Variants in KIF16B observed in about 807,000 individuals in gnomAD.
KIF16B encodes the protein kinesin family member 16B, also known as kinesin-like protein KIF16B.
Under a neutral mutation model 156.3 loss-of-function variants are expected in KIF16B, and 98 were observed. That is an observed-to-expected ratio of 0.63 (90% CI 0.53 to 0.74). The LOEUF is 0.74. Ranked by LOEUF, KIF16B falls within the 30% of genes least tolerant of loss-of-function variation. The probability of loss-of-function intolerance (pLI) is 0.00; values close to 1 mark genes in which losing one functional copy is unlikely to be tolerated. For synonymous variants in KIF16B, 564 were observed against 583.7 expected, an observed-to-expected ratio of 0.97 and a Z score of 0.49; for missense variants, 1,421 against 1,606.5, an observed-to-expected ratio of 0.88 and a Z score of 1.97.
chr20:16,380,266 C>T, intron 18 of KIF16B, 103 bp from the exon 19 acceptor site: 1 of 1,035,654 alleles, frequency 9.7e-7, no homozygotes, highest in Non-Finnish European at 1.3e-6. Context: ...AGGTCAAAGC[C>T]TCCATTAAAA....
intron 15 of KIF16B, among the ~76,000 whole-genome samples, chr20:16,423,152 C>T (rs1400191938): frequency 2.0e-5 from 3 of 151,546 alleles, no homozygotes; most frequent in Non-Finnish European, 4.4e-5. Flanking sequence ...AATGGCATAC[C>T]AATATGAGGA....
intron 25 of KIF16B, 70 bp from the exon 26 acceptor site, chr20:16,273,481 A>C (rs2063012765): frequency 7.6e-7 from 1 of 1,317,258 alleles, no homozygotes. Flanking sequence ...GCTTGAGCTC[A>C]GGAGTTTGAG....
chr20:16,509,261 T>G (rs1320206095), intron 6 of KIF16B, among the ~76,000 whole-genome samples: 1 of 152,244 alleles, frequency 6.6e-6, no homozygotes, highest in African/African-American at 2.4e-5. Flanking sequence ...GTTCATATTT[T>G]GTTTCCAATT....
intron 12 of KIF16B, among the ~76,000 whole-genome samples, chr20:16,488,427 C>T (rs545372451): frequency 5.0e-4 from 76 of 152,234 alleles, no homozygotes; most frequent in Non-Finnish European, 9.7e-4. Flanking sequence ...GTTCATAAAA[C>T]GCTGGAACAG....
chr20:16,346,009 AAG>A (rs2064227150), intron 23 of KIF16B, among the ~76,000 whole-genome samples: 1 of 152,226 alleles, frequency 6.6e-6, no homozygotes, highest in Non-Finnish European at 1.5e-5. Context: ...GGAGTAAAGA[AAG>A]AGAGACTTGG....
chr20:16,296,525 C>T (rs114859899), intron 25 of KIF16B, among the ~76,000 whole-genome samples: 241 of 152,306 alleles, frequency 1.6e-3, no homozygotes, highest in African/African-American at 5.6e-3. Context: ...TCTTCTGATG[C>T]TATTTCCATA....
chr20:16,369,046 T>A, intron 22 of KIF16B: 4 of 985,880 alleles, frequency 4.1e-6, no homozygotes, highest in Non-Finnish European at 4.8e-6. Flanking sequence ...TTCACTGTCC[T>A]GGAATACCTC....
intron 17 of KIF16B, among the ~76,000 whole-genome samples, chr20:16,386,355 C>T (rs2065229939): frequency 6.6e-6 from 1 of 151,888 alleles, no homozygotes; most frequent in Admixed American, 6.6e-5. Flanking sequence ...TGGAATAACC[C>T]AGGAATGCCA....
intron 12 of KIF16B, among the ~76,000 whole-genome samples, chr20:16,453,535 C>A (rs371434880): frequency 1.8e-4 from 28 of 151,828 alleles, no homozygotes; most frequent in African/African-American, 6.3e-4. Context: ...AAATAAAACA[C>A]TGGAAAAAAA....
intron 19 of KIF16B, 148 bp from the exon 20 acceptor site, chr20:16,374,557 A>G (rs2064900492): frequency 1.4e-6 from 1 of 696,452 alleles, no homozygotes; most frequent in Non-Finnish European, 2.1e-6. Flanking sequence ...AAGGTGCCAC[A>G]TACCCATAAG....
In KIF16B at chr20:16,487,688, G is replaced by A. The variant is rs562286594; in HGVS notation, c.1302+6603C>T. 1.3e-5 allele frequency among the ~76,000 whole-genome samples: 2 copies of A among 152,218 alleles called. 1 individual carries two copies. The highest frequency in any genetic ancestry group is 4.1e-4 in the South Asian group (2 of 4,820). ...CCAATTTCATTTTACTATATTTCTT[G>A]TTAGTCAAAACATTTTGAAAGGGTT... On this transcript the variant is annotated intron_variant, in intron 12 of 25. Transcript: ENST00000354981.
chr20:16,508,657 C>T (rs1386629838), intron 6 of KIF16B, among the ~76,000 whole-genome samples: 2 of 152,116 alleles, frequency 1.3e-5, no homozygotes, highest in Non-Finnish European at 2.9e-5. Flanking sequence ...CCTGGCTGTT[C>T]ACCTCCTACT....
chr20:16,298,149 A>G (rs1295620828), intron 25 of KIF16B, among the ~76,000 whole-genome samples: 15 of 152,214 alleles, frequency 9.9e-5, no homozygotes, highest in Admixed American at 9.2e-4. Flanking sequence ...GTCCTGGTGA[A>G]TCAGAATATA....
At chr20:16,427,453 C>T (rs2066386265) in intron 14 of KIF16B, among the ~76,000 whole-genome samples, 1 of 152,126 alleles carries the variant, frequency 6.6e-6, no homozygotes, top group Non-Finnish European at 1.5e-5. Flanking sequence ...TTAGAATGTT[C>T]TTCAAGGGAT....
At chr20:16,367,048 G>A in intron 22 of KIF16B, 1 of 1,401,592 alleles carries the variant, frequency 7.1e-7, no homozygotes, top group South Asian at 1.8e-5. Context: ...AATTCAATTA[G>A]CTACACGGAG....
intron 1 of KIF16B, among the ~76,000 whole-genome samples, chr20:16,533,420 G>A (rs1015567697): frequency 7.2e-5 from 11 of 152,166 alleles, no homozygotes; most frequent in African/African-American, 1.2e-4. Flanking sequence ...TCTGATGAAC[G>A]TTAAAATTTA....
chr20:16,293,019 A>G (rs1217863913), intron 25 of KIF16B, among the ~76,000 whole-genome samples: 2 of 152,224 alleles, frequency 1.3e-5, no homozygotes, highest in Non-Finnish European at 2.9e-5. Flanking sequence ...AAGCAAGACA[A>G]CGACAGAGAT....
intron 12 of KIF16B, among the ~76,000 whole-genome samples, chr20:16,478,926 C>T (rs2067897029): frequency 2.0e-5 from 3 of 152,198 alleles, no homozygotes. Context: ...TACACCTACT[C>T]AATAACCCAG....
intron 20 of KIF16B, 92 bp downstream of exon 20, chr20:16,374,165 A>T: frequency 7.8e-7 from 1 of 1,281,422 alleles, no homozygotes; most frequent in Non-Finnish European, 1.0e-6. Context: ...CCCTTAATAG[A>T]GCCCTCCAGA....
Sources: gnomAD v4.1 joint callset for allele counts (sites outside exome capture counted in the v4.1 genomes callset) on GRCh38, gnomAD v4.1.1 for gene constraint, MANE v1.5 for transcripts, NCBI Gene and HGNC (gene_info 2026-07-23, HGNC 2026-07-21) for gene names.